The following SLC4A5 variants were observed in gnomAD, a reference collection of about 807,000 sequenced individuals.
SLC4A5 encodes the protein electrogenic sodium bicarbonate cotransporter 4.
Under a neutral mutation model 120.4 loss-of-function variants are expected in SLC4A5, and 96 were observed. The ratio of observed to expected loss-of-function variants is 0.80; its 90% CI spans 0.68 to 0.94. SLC4A5 has a LOEUF of 0.94. SLC4A5 is among the 40% of genes least tolerant of loss of function. The pLI is 0.00. For missense variants in SLC4A5, 1,259 were observed against 1,459.5 expected (o/e 0.86, Z 2.24); for synonymous variants, 550 against 571.1 (o/e 0.96, Z 0.53).
At chr2:74,331,134 G>T (rs575439037) in intron 4 of SLC4A5, among the ~76,000 whole-genome samples, 25 of 150,612 alleles carry the variant, frequency 1.7e-4, no homozygotes, top group African/African-American at 5.6e-4. Flanking sequence ...GATGGAGGAG[G>T]TGAGGTCTAG....
At chr2:74,237,198 G>C (rs775177995) in intron 21 of SLC4A5, among the ~76,000 whole-genome samples, 1 of 152,040 alleles carries the variant, frequency 6.6e-6, no homozygotes, top group African/African-American at 2.4e-5. Context: ...GGATGGTCTC[G>C]ATCTCCTGCC....
Position 74,263,774 on chromosome 2 carries a change from T to C in SLC4A5, c.715+373A>G, listed in dbSNP as rs1326139850. Among the ~76,000 whole-genome samples, 4 of 152,342 alleles carry C rather than the reference T, an allele frequency of 2.6e-5. No individual in the cohort carries two copies. In the East Asian group the frequency reaches 7.7e-4, roughly 29 times the overall value. ...CATCTCTACCAGCATTTCCCAATGC[T>C]GTGTGACATAAGAATCTCTTGGGGT... On this transcript the variant is annotated intron_variant, in intron 10 of 30. Coordinates refer to ENST00000394019, the Ensembl canonical transcript of SLC4A5.
rs57337842 is a variant in SLC4A5, at chr2:74,284,460, G to A, written c.401+1313C>T. ...CTCCCAAAGTGCTGGGATTACAGGC[G>A]TGAGCCACCGCGCCCGGCCTATTCC... On this transcript the variant is annotated intron_variant, in intron 8 of 30. Coordinates refer to ENST00000394019, the Ensembl canonical transcript of SLC4A5. Among the ~76,000 whole-genome samples the A allele has an allele frequency of 1.6e-4, 23 of 148,308 alleles. 5 individuals are homozygous for A. In the South Asian group the frequency reaches 3.4e-3, roughly 22 times the overall value.
exon 31 of SLC4A5, chr2:74,216,729 C>T (rs897048974): frequency 2.6e-5 from 4 of 152,162 alleles, no homozygotes; most frequent in African/African-American, 9.7e-5. Context: ...CTGCATCAGC[C>T]TCTGAAATGG....
chr2:74,247,001 T>C, intron 19 of SLC4A5, 35 bp downstream of exon 19: 1 of 1,606,232 alleles, frequency 6.2e-7, no homozygotes, highest in Non-Finnish European at 8.5e-7. Context: ...GTGGGGTAGG[T>C]GAGGGCCCAC....
chr2:74,335,364 C>T (rs940233741), intron 3 of SLC4A5, among the ~76,000 whole-genome samples: 1 of 152,154 alleles, frequency 6.6e-6, no homozygotes, highest in Non-Finnish European at 1.5e-5. Context: ...AATGTGGGTA[C>T]CTAGGAACTC....
At chr2:74,290,680 G>A (rs566648331) in intron 7 of SLC4A5, 1 of 978,782 alleles carries the variant, frequency 1.0e-6, no homozygotes, top group African/African-American at 1.8e-5. Flanking sequence ...GAAGTGAGAG[G>A]GTGAGAGAGA....
intron 10 of SLC4A5, among the ~76,000 whole-genome samples, chr2:74,262,903 C>T (rs1671186829): frequency 1.3e-5 from 2 of 152,082 alleles, no homozygotes; most frequent in Admixed American, 6.5e-5. Context: ...AGACAAGAAC[C>T]GTACCTACAC....
At chr2:74,291,608 T>C (rs973577970) in intron 7 of SLC4A5, among the ~76,000 whole-genome samples, 2 of 152,248 alleles carry the variant, frequency 1.3e-5, no homozygotes, top group Non-Finnish European at 2.9e-5. Flanking sequence ...TTTTCATACC[T>C]GAGGCTCGAG....
intron 7 of SLC4A5, among the ~76,000 whole-genome samples, chr2:74,297,751 T>C (rs1431412210): frequency 6.6e-6 from 1 of 152,210 alleles, no homozygotes; most frequent in African/African-American, 2.4e-5. Flanking sequence ...TCAGTCAAAA[T>C]TGATTGGCTA....
In SLC4A5 at chr2:74,254,711, A is replaced by G. The variant is rs1291435644; in HGVS notation, c.1026-5T>C. On this transcript the variant is annotated splice_region_variant and splice_polypyrimidine_tract_variant and intron_variant, in intron 13 of 30. Transcript: ENST00000394019. ...CCCAGTAGTATAAACAGAAATCTGC[A>G]AAGAAGATGGAGGAGGAGACAGAGA... The G allele has an allele frequency of 2.5e-6, 4 of 1,604,368 alleles. No individual in the cohort carries two copies. In the Admixed American group the frequency reaches 6.7e-5, roughly 27 times the overall value.
At chr2:74,238,133 CAT>C (rs1229742016) in intron 21 of SLC4A5, among the ~76,000 whole-genome samples, 9 of 151,834 alleles carry the variant, frequency 5.9e-5, no homozygotes, top group Non-Finnish European at 1.3e-4. Flanking sequence ...ATAATAATAA[CAT>C]AGCAGTTAGC....
intron 7 of SLC4A5, among the ~76,000 whole-genome samples, chr2:74,299,829 A>C (rs1672426751): frequency 6.6e-6 from 1 of 152,192 alleles, no homozygotes; most frequent in Non-Finnish European, 1.5e-5. Flanking sequence ...AAAACATAAA[A>C]GTAGAACTAG....
At chr2:74,220,840 TC>T (rs1158841425) in intron 30 of SLC4A5, among the ~76,000 whole-genome samples, 1 of 135,798 alleles carries the variant, frequency 7.4e-6, no homozygotes, top group African/African-American at 3.0e-5. Context: ...ATATTTCCTT[TC>T]TTTTTTTTTT....
chr2:74,221,426 G>T lies in SLC4A5; in HGVS notation c.*33+8C>A. 6.2e-7 allele frequency: 1 copy of T among 1,601,532 alleles called. No individual in the cohort carries two copies. Among genetic ancestry groups the T allele is most frequent in the Non-Finnish European group, 8.6e-7 (1 of 1,168,518 alleles). ...TAATACGCAAGGAGTCTACCTAACA[G>T]TGTTTACCTTCGGTCAAGTTCTGTG... On this transcript the variant is annotated splice_region_variant and intron_variant, in intron 30 of 30. Transcript: ENST00000394019.
chr2:74,260,872 C>G (rs1459793269), intron 11 of SLC4A5, among the ~76,000 whole-genome samples: 1 of 152,182 alleles, frequency 6.6e-6, no homozygotes, highest in Non-Finnish European at 1.5e-5. Context: ...GCACAAGGCC[C>G]TCTTTGATTT....
intron 20 of SLC4A5, among the ~76,000 whole-genome samples, chr2:74,240,657 T>C (rs896667891): frequency 6.6e-6 from 1 of 151,780 alleles, no homozygotes; most frequent in African/African-American, 2.4e-5. Context: ...TAGTCCCAGC[T>C]ACTCGAGAGG....
intron 17 of SLC4A5, among the ~76,000 whole-genome samples, chr2:74,248,798 A>T (rs975075028): frequency 2.6e-5 from 4 of 152,212 alleles, no homozygotes; most frequent in African/African-American, 9.7e-5. Flanking sequence ...CCATTTATCC[A>T]TCTGATTATT....
intron 6 of SLC4A5, among the ~76,000 whole-genome samples, chr2:74,308,267 G>A (rs72903259): frequency 6.6e-6 from 1 of 152,132 alleles, no homozygotes; most frequent in Non-Finnish European, 1.5e-5. Flanking sequence ...TGGTTCGGAC[G>A]ACAAGACTAT....
Sources: allele counts gnomAD v4.1 joint callset (sites outside exome capture counted in the v4.1 genomes callset), GRCh38; gene constraint gnomAD v4.1.1; transcripts MANE v1.5; gene names NCBI Gene and HGNC (gene_info 2026-07-23, HGNC 2026-07-21).